Variants in AGAP1 observed in about 807,000 individuals in gnomAD.
AGAP1 encodes arf-GAP with GTPase, ANK repeat and PH domain-containing protein 1.
AGAP1 carries 29 observed loss-of-function variants against 105.3 expected under a neutral mutation model. That is an observed-to-expected ratio of 0.28 (90% CI 0.21 to 0.38). The LOEUF (loss-of-function observed/expected upper bound fraction) is 0.38. Ranked by LOEUF, AGAP1 falls within the 10% of genes least tolerant of loss-of-function variation. AGAP1 has a pLI of 1.00. For missense variants in AGAP1, 998 were observed against 1,165.1 expected, an observed-to-expected ratio of 0.86 and a Z score of 2.09; for synonymous variants, 509 against 485.9, an observed-to-expected ratio of 1.05 and a Z score of -0.63.
intron 13 of AGAP1, among the ~76,000 whole-genome samples, chr2:235,999,503 AGTGGTGATGGTGGTGGTG>A (rs1228738418): frequency 3.3e-5 from 3 of 90,706 alleles, no homozygotes; most frequent in Admixed American, 1.0e-4. Flanking sequence ...TGGTGGTGGT[AGTGGTGATGGTGGTGGTG>A]GTGGTGATGA....
intron 10 of AGAP1, among the ~76,000 whole-genome samples, chr2:235,897,489 G>T (rs1488199806): frequency 6.6e-6 from 1 of 151,488 alleles, no homozygotes; most frequent in East Asian, 1.9e-4. Context: ...AGATTTAACA[G>T]TGTGGCTGGA....
In AGAP1 at chr2:235,750,356, G is replaced by A; in HGVS notation, c.541G>A (p.Ala181Thr). 1 of 1,614,142 alleles carries A rather than the reference G, an allele frequency of 6.2e-7. No individual in the cohort carries two copies. Among genetic ancestry groups the A allele is most frequent in the Non-Finnish European group, 8.5e-7 (1 of 1,180,018 alleles). ...TACTTTTTGGTCTTCTGTTCCAGAT[G>A]CCATAAGTTCTGCTAACCCGAGGGT... ...IPLVLVGTQD[A>T]ISSANPRVID... Residue 181 changes from alanine to threonine, a missense_variant and splice_region_variant, in exon 6 of 18, where the codon GCC becomes ACC. This residue lies in a region of AGAP1 where 735 missense variants were observed against 833.4 expected (regional missense o/e 0.88). Transcript: ENST00000304032. This position sits in a 1 kb window ranked among gnomAD's most constrained non-coding sequence, Gnocchi z 5.3.
chr2:235,594,906 T>TTA (rs60333666), intron 1 of AGAP1, among the ~76,000 whole-genome samples: 32 of 138,812 alleles, frequency 2.3e-4, no homozygotes, highest in East Asian at 2.0e-4. Flanking sequence ...TTTTTTTTTT[T>TTA]ATGATGTAAA....
At position 235,622,693 on chromosome 2, in the gene AGAP1, T is replaced by C. The variant is rs1009101824; in HGVS notation, c.164-86486T>C. ...GTTCAGTGGACACTGTCAGAGGTGC[T>C]GTGGATCACTTGGACCACGGTAGCT... On this transcript the variant is annotated intron_variant, in intron 1 of 17. Coordinates refer to ENST00000304032, the MANE Select transcript of AGAP1 (RefSeq NM_001037131.3). This position sits in a 1 kb window ranked among gnomAD's most constrained non-coding sequence, Gnocchi z 5.0. Among the ~76,000 whole-genome samples the C allele has an allele frequency of 6.6e-6, 1 of 152,140 alleles. No individual in the cohort carries two copies. Among genetic ancestry groups the C allele is most frequent in the Non-Finnish European group, 1.5e-5 (1 of 68,040 alleles).
At position 236,105,418 on chromosome 2, in the gene AGAP1, T is replaced by G. The variant is rs2125918661; in HGVS notation, c.2115-14774T>G. On this transcript the variant is annotated intron_variant, in intron 16 of 17. Transcript: ENST00000304032. The surrounding 1 kb of genome is among the most constrained non-coding windows in gnomAD (Gnocchi z 4.2). ...CAACAGAAAGTATTCCTCACACTTC[T>G]GAGGAATGGGAAGTCCAAGGTCAAG... 6.6e-6 allele frequency among the ~76,000 whole-genome samples: 1 copy of G among 152,166 alleles called. No individual in the cohort carries two copies. The highest frequency in any genetic ancestry group is 3.4e-3 in the Middle Eastern group (1 of 294).
At chr2:235,935,938 C>T (rs1317865367) in intron 12 of AGAP1, among the ~76,000 whole-genome samples, 2 of 152,184 alleles carry the variant, frequency 1.3e-5, no homozygotes, top group Non-Finnish European at 2.9e-5. Flanking sequence ...GAGTGCTCAC[C>T]TGCCTGCCTG....
At chr2:236,064,366 G>A (rs1163500173) in intron 16 of AGAP1, among the ~76,000 whole-genome samples, 1 of 152,152 alleles carries the variant, frequency 6.6e-6, no homozygotes, top group East Asian at 1.9e-4. Context: ...CGAGGTGGGT[G>A]GATCACTTGA....
rs1421210137 is a variant in AGAP1 at position 235,622,943 on chromosome 2, C to T, written c.164-86236C>T. Among the ~76,000 whole-genome samples the T allele has an allele frequency of 6.6e-6, 1 of 152,100 alleles. No individual in the cohort carries two copies. Among genetic ancestry groups the T allele is most frequent in the South Asian group, 2.1e-4 (1 of 4,820 alleles). ...AGAACCACGTCCCCAGCTATTCCCA[C>T]CTGCACACTGGAGGGAAGCAGGAGG... is the stretch of plus-strand genomic sequence containing the variant. On this transcript the variant is annotated intron_variant, in intron 1 of 17. Coordinates refer to ENST00000304032, the MANE Select transcript of AGAP1 (RefSeq NM_001037131.3). The surrounding 1 kb of genome is among the most constrained non-coding windows in gnomAD (Gnocchi z 5.0).
intron 16 of AGAP1, among the ~76,000 whole-genome samples, chr2:236,094,143 C>A (rs554161228): frequency 6.6e-6 from 1 of 152,090 alleles, no homozygotes; most frequent in Non-Finnish European, 1.5e-5. Flanking sequence ...CAACTTCAGT[C>A]TTTTGACAAG....
At chr2:235,797,019 A>G (rs2150038744) in intron 6 of AGAP1, among the ~76,000 whole-genome samples, 1 of 152,330 alleles carries the variant, frequency 6.6e-6, no homozygotes, top group East Asian at 1.9e-4. Context: ...ATAAACTTAC[A>G]ATGTGTGCAG....
chr2:235,583,569 T>C (rs1945005413), intron 1 of AGAP1, among the ~76,000 whole-genome samples: 1 of 151,354 alleles, frequency 6.6e-6, no homozygotes, highest in African/African-American at 2.4e-5. Flanking sequence ...TTTTTTTTTT[T>C]TTTTTGGTAA....
intron 1 of AGAP1, among the ~76,000 whole-genome samples, chr2:235,616,150 G>T (rs746673492): frequency 9.9e-5 from 15 of 152,100 alleles, no homozygotes; most frequent in Non-Finnish European, 1.9e-4. Context: ...ATCACAAGGT[G>T]AAGAGATCAA....
chr2:236,014,847 G>A lies in AGAP1; in HGVS notation c.1646-21714G>A, dbSNP rs2056640759. On this transcript the variant is annotated intron_variant, in intron 13 of 17. Transcript: ENST00000304032. This position sits in a 1 kb window ranked among gnomAD's most constrained non-coding sequence, Gnocchi z 6.3. The stretch of plus-strand genomic sequence containing the variant: ...AAACTAAACCGTGTTGGTAGCCTGC[G>A]AAATATATACAGCAGCAGCACCAAC... The A allele has an allele frequency of 4.4e-6, 2 of 458,078 alleles. No homozygotes were observed. The highest frequency in any genetic ancestry group is 2.0e-5 in the African/African-American group (1 of 49,148). 28.4% of individuals were successfully genotyped at this position (458,078 alleles called of 1,614,324 possible).
intron 16 of AGAP1, among the ~76,000 whole-genome samples, chr2:236,106,394 G>A (rs1430869182): frequency 6.6e-6 from 1 of 152,240 alleles, no homozygotes; most frequent in Non-Finnish European, 1.5e-5. Flanking sequence ...TGCAGGCACT[G>A]CGGCAGCGCA....
At chr2:236,023,473 A>AG (rs1689819934) in intron 13 of AGAP1, among the ~76,000 whole-genome samples, 1 of 152,172 alleles carries the variant, frequency 6.6e-6, no homozygotes, top group South Asian at 2.1e-4. Context: ...ACTTGTTAAT[A>AG]GGGGAAAAAG....
chr2:235,896,624 C>T (rs1302314467), intron 10 of AGAP1, among the ~76,000 whole-genome samples: 2 of 152,210 alleles, frequency 1.3e-5, no homozygotes, highest in South Asian at 2.1e-4. Context: ...CCAGCAATGA[C>T]ATGGTCACAT....
At chr2:235,940,580 C>G (rs1190740132) in intron 12 of AGAP1, among the ~76,000 whole-genome samples, 1 of 152,212 alleles carries the variant, frequency 6.6e-6, no homozygotes, top group Non-Finnish European at 1.5e-5. Context: ...TCACTGCAGA[C>G]AGCCACTCTC....
intron 1 of AGAP1, among the ~76,000 whole-genome samples, chr2:235,677,096 C>G (rs1297458293): frequency 2.0e-5 from 3 of 152,224 alleles, no homozygotes; most frequent in South Asian, 2.1e-4. Flanking sequence ...TTGATACTTG[C>G]ATTCACGTTT....
intron 1 of AGAP1, among the ~76,000 whole-genome samples, chr2:235,686,667 T>TA (rs1949463209): frequency 1.9e-5 from 2 of 104,402 alleles, no homozygotes; most frequent in Admixed American, 9.4e-5. Context: ...ATATATATAT[T>TA]TTTTTTTTTT....
Sources: allele counts gnomAD v4.1 joint callset (sites outside exome capture counted in the v4.1 genomes callset), GRCh38; gene constraint gnomAD v4.1.1; regional missense constraint gnomAD v4.1.1; non-coding constraint Gnocchi (gnomAD v3.1); transcripts MANE v1.5; gene names NCBI Gene and HGNC (gene_info 2026-07-23, HGNC 2026-07-21).